Variants in PRKN observed in about 807,000 individuals in gnomAD.
PRKN encodes parkin RBR E3 ubiquitin protein ligase, also known as E3 ubiquitin-protein ligase parkin.
A neutral mutation model predicts 59.5 loss-of-function variants in PRKN; 56 were observed. The ratio of observed to expected loss-of-function variants is 0.94; its 90% CI spans 0.76 to 1.18. The LOEUF (loss-of-function observed/expected upper bound fraction) is 1.18. Ranked by LOEUF, PRKN falls within the 50% of genes most tolerant of loss-of-function variation. The probability of loss-of-function intolerance (pLI) is 0.00; values close to 1 mark genes in which losing one functional copy is unlikely to be tolerated. For missense variants in PRKN, 657 were observed against 596.4 expected (o/e 1.10, Z -1.06); for synonymous variants, 250 against 222.1 (o/e 1.13, Z -1.12).
In PRKN at chr6:161,599,051, G is replaced by A. The variant is rs540240343; in HGVS notation, c.872-29635C>T. Among the ~76,000 whole-genome samples the A allele has an allele frequency of 2.0e-4, 31 of 152,264 alleles. No homozygotes were observed. The South Asian group carries it at 3.9e-3, about 19-fold the overall frequency. On this transcript the variant is annotated intron_variant, in intron 7 of 11. Coordinates refer to ENST00000366898, the MANE Select transcript of PRKN (RefSeq NM_004562.3). ...TGTCTGAGTGATGCAGCCACAAGCC[G>A]AGGAATGCCGACTCCTGGCAACACC...
chr6:161,514,951 T>C (rs1428231005), intron 9 of PRKN, among the ~76,000 whole-genome samples: 1 of 152,126 alleles, frequency 6.6e-6, no homozygotes, highest in Non-Finnish European at 1.5e-5. Context: ...AGCACTGAAC[T>C]TTGAGGTGGC....
At chr6:162,682,369 A>G (rs1779803798) in intron 1 of PRKN, among the ~76,000 whole-genome samples, 1 of 152,194 alleles carries the variant, frequency 6.6e-6, no homozygotes. Context: ...ATGCCCATCA[A>G]TGGTAGCCTG....
chr6:162,564,219 C>A (rs1779966660), intron 1 of PRKN, among the ~76,000 whole-genome samples: 1 of 151,984 alleles, frequency 6.6e-6, no homozygotes, highest in Admixed American at 6.6e-5. Context: ...GTGGTGGGTG[C>A]CTGTAATCCC....
At chr6:162,286,060 CAGGTTTTGGATT>C (rs1269800733) in intron 2 of PRKN, among the ~76,000 whole-genome samples, 2 of 152,108 alleles carry the variant, frequency 1.3e-5, no homozygotes, top group African/African-American at 4.8e-5. Context: ...TTTACATCAT[CAGGTTTTGGATT>C]GTCAATAAAC....
At chr6:162,369,313 T>C (rs1245002558) in intron 2 of PRKN, among the ~76,000 whole-genome samples, 1 of 152,152 alleles carries the variant, frequency 6.6e-6, no homozygotes, top group African/African-American at 2.4e-5. Context: ...AACAGAAAAG[T>C]TGGAGGTGCT....
chr6:161,386,919 G>T lies in PRKN; in HGVS notation c.1084-42C>A. ...ATCCATTAATTAGGGACATTAGGTT[G>T]CATTTGGCAATAACACATTTTTCCT... On this transcript the variant is annotated intron_variant, in intron 9 of 11. Coordinates refer to ENST00000366898, the MANE Select transcript of PRKN (RefSeq NM_004562.3). This position sits in a 1 kb window ranked among gnomAD's most constrained non-coding sequence, Gnocchi z 4.3. The T allele has an allele frequency of 6.7e-7, 1 of 1,496,840 alleles. No homozygotes were observed. The highest frequency in any genetic ancestry group is 9.3e-7 in the Non-Finnish European group (1 of 1,073,088). 92.7% of individuals were successfully genotyped at this position (1,496,840 alleles called of 1,614,324 possible). A position where few individuals can be genotyped will look rare whatever the true frequency, so the allele number is the denominator to read the frequency against.
At chr6:162,220,229 G>C (rs1322858069) in intron 3 of PRKN, among the ~76,000 whole-genome samples, 1 of 152,084 alleles carries the variant, frequency 6.6e-6, no homozygotes, top group East Asian at 1.9e-4. Context: ...AAAAATCCTA[G>C]AAGAAAACCT....
chr6:162,280,796 CAAAAAAAAAAAA>C (rs35943173), intron 2 of PRKN, among the ~76,000 whole-genome samples: 2 of 41,346 alleles, frequency 4.8e-5, no homozygotes, highest in Non-Finnish European at 8.9e-5. Context: ...GACTCCATCT[CAAAAAAAAAAAA>C]AAAAAAAAAA....
intron 4 of PRKN, among the ~76,000 whole-genome samples, chr6:162,154,804 A>G (rs1306464516): frequency 6.6e-6 from 1 of 152,138 alleles, no homozygotes; most frequent in Non-Finnish European, 1.5e-5. Flanking sequence ...CTTTCTTAAT[A>G]GGAAGCCATG....
chr6:161,854,696 C>G (rs756218425), intron 6 of PRKN, among the ~76,000 whole-genome samples: 3 of 152,132 alleles, frequency 2.0e-5, no homozygotes, highest in Admixed American at 6.5e-5. Flanking sequence ...GTCACCATAG[C>G]ATGATTAATT....
At chr6:162,556,760 A>G (rs1779621611) in intron 1 of PRKN, among the ~76,000 whole-genome samples, 1 of 151,216 alleles carries the variant, frequency 6.6e-6, no homozygotes, top group African/African-American at 2.4e-5. Context: ...AAAAAAAAAA[A>G]AAAGAGAAAA....
intron 1 of PRKN, among the ~76,000 whole-genome samples, chr6:162,661,009 C>G (rs769494136): frequency 2.0e-5 from 3 of 152,088 alleles, no homozygotes; most frequent in Non-Finnish European, 4.4e-5. Context: ...CATCTGTAAT[C>G]CTAGCACTTT....
intron 1 of PRKN, among the ~76,000 whole-genome samples, chr6:162,526,316 TAA>T (rs34844863): frequency 5.4e-5 from 6 of 111,600 alleles, no homozygotes; most frequent in East Asian, 2.6e-4. Context: ...TCATTAGAAG[TAA>T]AAAAAAAAAA....
intron 1 of PRKN, among the ~76,000 whole-genome samples, chr6:162,663,740 A>C (rs2128228704): frequency 6.6e-6 from 1 of 152,216 alleles, no homozygotes; most frequent in East Asian, 1.9e-4. Context: ...ATTGAAACAA[A>C]ACCAAAAACA....
At chr6:162,460,022 C>T (rs1186549309) in intron 1 of PRKN, among the ~76,000 whole-genome samples, 1 of 152,136 alleles carries the variant, frequency 6.6e-6, no homozygotes, top group Non-Finnish European at 1.5e-5. Context: ...AGGCTATATA[C>T]TTGATAGAAA....
chr6:161,776,790 T>C (rs1004048971), intron 7 of PRKN, among the ~76,000 whole-genome samples: 1 of 152,160 alleles, frequency 6.6e-6, no homozygotes, highest in South Asian at 2.1e-4. Flanking sequence ...GCCAATCGTA[T>C]CTGGGTTAAA....
intron 6 of PRKN, among the ~76,000 whole-genome samples, chr6:161,792,709 T>G (rs1325202522): frequency 3.3e-5 from 5 of 152,192 alleles, no homozygotes; most frequent in African/African-American, 1.2e-4. Context: ...AACACAGAAG[T>G]CATGCCCCAG....
At chr6:162,038,634 T>A (rs1022297036) in intron 5 of PRKN, among the ~76,000 whole-genome samples, 4 of 152,200 alleles carry the variant, frequency 2.6e-5, no homozygotes, top group Admixed American at 2.0e-4. Flanking sequence ...CTAAGCTTCG[T>A]CTCTTTTAGA....
intron 3 of PRKN, among the ~76,000 whole-genome samples, chr6:162,257,235 C>G (rs1193222607): frequency 2.0e-5 from 3 of 152,252 alleles, no homozygotes; most frequent in African/African-American, 7.2e-5. Flanking sequence ...CTTCAAGAGG[C>G]CGGGGTCAGT....
Sources: allele counts gnomAD v4.1 joint callset (sites outside exome capture counted in the v4.1 genomes callset), GRCh38; gene constraint gnomAD v4.1.1; non-coding constraint Gnocchi (gnomAD v3.1); transcripts MANE v1.5; gene names NCBI Gene and HGNC (gene_info 2026-07-23, HGNC 2026-07-21).